The following CHGA variants were observed in gnomAD, a reference collection of about 807,000 sequenced individuals.
CHGA encodes chromogranin A, also known as chromogranin-A.
In CHGA, 41 loss-of-function variants were observed where a neutral mutation model predicts 54.4. The observed-to-expected ratio is 0.75, with a 90% CI of 0.59 to 0.98. The LOEUF is 0.98. CHGA is among the 50% of genes least tolerant of loss of function. The pLI, the probability that CHGA is intolerant of heterozygous loss-of-function variation, is 0.00. For synonymous variants in CHGA, 249 were observed against 232.8 expected, an observed-to-expected ratio of 1.07 and a Z score of -0.63; for missense variants, 576 against 582.3, an observed-to-expected ratio of 0.99 and a Z score of 0.11.
At chr14:92,924,307 T>C in intron 2 of CHGA, 62 bp downstream of exon 2, 1 of 1,526,260 alleles carries the variant, frequency 6.6e-7, no homozygotes, top group Non-Finnish European at 8.9e-7. Flanking sequence ...CAGCCAGTTC[T>C]TGGGCAGCTG....
chr14:92,929,634 G>T, intron 4 of CHGA, 83 bp from the exon 5 acceptor site: 1 of 1,215,470 alleles, frequency 8.2e-7, no homozygotes, highest in South Asian at 1.2e-5. Context: ...GCTTACAGAT[G>T]GGGAAATGGA....
rs1886838144 is a variant in CHGA at position 92,923,932 on chromosome 14, T to C, written c.47-267T>C. 3.3e-5 allele frequency among the ~76,000 whole-genome samples: 5 copies of C among 152,166 alleles called. No homozygotes were observed. In the South Asian group the frequency reaches 1.0e-3, roughly 32 times the overall value. ...CTGTGCAGCTCTTGGCCTTGTTTGA[T>C]GGCGCTCCCCGCTCCAAAGCACACC... On this transcript the variant is annotated intron_variant, in intron 1 of 7. Coordinates refer to ENST00000216492, the MANE Select transcript of CHGA (RefSeq NM_001275.4).
chr14:92,929,772 C>G lies in CHGA; in HGVS notation c.312C>G (p.Leu104=), dbSNP rs1333980245. ...AACACAGCGGTTTTGAAGATGAACT[C>G]TCAGAGGTTCTTGAGAACCAGAGCA... ...QKKHSGFEDE[L]SEVLENQSSQ... The change falls in exon 5 of 8, where the codon CTC becomes CTG. Residue 104 remains leucine, a synonymous_variant. Coordinates refer to ENST00000216492, the MANE Select transcript of CHGA (RefSeq NM_001275.4). 2.5e-6 allele frequency: 4 copies of G among 1,613,512 alleles called. No homozygotes were observed. Among genetic ancestry groups the G allele is most frequent in the Non-Finnish European group, 2.5e-6 (3 of 1,180,034 alleles).
At chr14:92,934,197 G>A (rs1405901155) in intron 7 of CHGA, among the ~76,000 whole-genome samples, 2 of 152,226 alleles carry the variant, frequency 1.3e-5, no homozygotes, top group African/African-American at 2.4e-5. Context: ...AGGCCTGAAA[G>A]CTTCTGCAGA....
rs759234958 is a variant in CHGA at position 92,932,697 on chromosome 14, G to A, written c.1136G>A (p.Arg379Gln). ...DSSMKLSFRA[R>Q]AYGFRGPGPQ... is the part of the protein sequence containing the mutation. The stretch of plus-strand genomic sequence containing the variant: ...TCCATGAAGCTCTCCTTCCGGGCCC[G>A]GGCCTACGGCTTCAGGGGCCCTGGG... The change falls in exon 7 of 8, where the codon CGG becomes CAG. Residue 379 changes from arginine (R) to glutamine (Q), a missense_variant. Coordinates refer to ENST00000216492, the MANE Select transcript of CHGA (RefSeq NM_001275.4). The surrounding 1 kb of genome is among the most constrained non-coding windows in gnomAD (Gnocchi z 5.3). The A allele has an allele frequency of 1.5e-5, 24 of 1,610,776 alleles. No individual in the cohort carries two copies. Among genetic ancestry groups the A allele is most frequent in the African/African-American group, 4.0e-5 (3 of 74,904 alleles).
chr14:92,933,094 G>A (rs971390995), intron 7 of CHGA: 2 of 496,656 alleles, frequency 4.0e-6, no homozygotes, highest in South Asian at 4.9e-5. Flanking sequence ...CGGGGGAGGC[G>A]CTGAGTGGGG....
intron 4 of CHGA, among the ~76,000 whole-genome samples, chr14:92,928,977 G>C (rs1033146315): frequency 2.0e-5 from 3 of 152,214 alleles, no homozygotes; most frequent in East Asian, 1.9e-4. Context: ...TGGAACCCAC[G>C]TTGCCTGAGA....
intron 1 of CHGA, 50 bp downstream of exon 1, chr14:92,923,455 C>A: frequency 8.1e-7 from 1 of 1,237,670 alleles, no homozygotes. Flanking sequence ...CGCCCCTGCC[C>A]ACCTTGAGGT....
chr14:92,934,662 G>A, intron 7 of CHGA, 139 bp from the exon 8 acceptor site: 2 of 655,902 alleles, frequency 3.0e-6, no homozygotes, highest in Non-Finnish European at 5.4e-6. Context: ...CATTATCACT[G>A]TCTCCATGAT....
intron 5 of CHGA, 92 bp from the exon 6 acceptor site, chr14:92,931,158 A>G: frequency 7.4e-7 from 1 of 1,351,344 alleles, no homozygotes; most frequent in South Asian, 1.4e-5. Flanking sequence ...GAAGCCAAGA[A>G]ACATAATGAG....
chr14:92,924,722 A>C (rs909566002), intron 2 of CHGA, among the ~76,000 whole-genome samples: 8 of 152,218 alleles, frequency 5.3e-5, no homozygotes, highest in Admixed American at 5.2e-4. Context: ...AAGGAACACA[A>C]GCAAAACATC....
chr14:92,930,423 A>C (rs2139672084), intron 5 of CHGA, among the ~76,000 whole-genome samples: 1 of 152,322 alleles, frequency 6.6e-6, no homozygotes, highest in East Asian at 1.9e-4. Context: ...GGTGTCCAGG[A>C]GCTGGATCCT....
At chr14:92,927,779 T>C (rs1886916583) in intron 4 of CHGA, among the ~76,000 whole-genome samples, 161 bp downstream of exon 4, 1 of 152,226 alleles carries the variant, frequency 6.6e-6, no homozygotes, top group African/African-American at 2.4e-5. Flanking sequence ...CAATCTGTTA[T>C]TGATATTGTT....
intron 2 of CHGA, among the ~76,000 whole-genome samples, chr14:92,925,034 T>C (rs980660262): frequency 2.6e-5 from 4 of 152,198 alleles, no homozygotes; most frequent in African/African-American, 4.8e-5. Flanking sequence ...CCAACCTCTG[T>C]TTGCTCAATT....
At chr14:92,928,562 T>G (rs1374522291) in intron 4 of CHGA, among the ~76,000 whole-genome samples, 1 of 152,224 alleles carries the variant, frequency 6.6e-6, no homozygotes, top group Non-Finnish European at 1.5e-5. Flanking sequence ...GACCTTGGAC[T>G]AGTGTTTTGT....
In CHGA at chr14:92,932,165, G is replaced by A; in HGVS notation, c.809-205G>A. The A allele has an allele frequency of 3.5e-6, 2 of 565,868 alleles. No individual in the cohort carries two copies. The highest frequency in any genetic ancestry group is 5.6e-6 in the Non-Finnish European group (2 of 358,934). The allele number at this position is 565,868 out of a possible 1,614,324, so 35.1% of individuals were successfully genotyped here. ...GCCGGGCTTCTGGGGTGAGGATGAG[G>A]GGAAGAGGCAGGCTCCAGCTAACCC... On this transcript the variant is annotated intron_variant, in intron 6 of 7. Transcript: ENST00000216492. The surrounding 1 kb of genome is among the most constrained non-coding windows in gnomAD (Gnocchi z 5.3).
intron 7 of CHGA, among the ~76,000 whole-genome samples, chr14:92,934,479 C>T (rs1415556222): frequency 1.3e-5 from 2 of 152,174 alleles, no homozygotes; most frequent in African/African-American, 4.8e-5. Flanking sequence ...CTCTTCAGGG[C>T]ACTGTAAGCT....
At chr14:92,927,338 A>G (rs1306908213) in intron 3 of CHGA, among the ~76,000 whole-genome samples, 1 of 152,218 alleles carries the variant, frequency 6.6e-6, no homozygotes, top group African/African-American at 2.4e-5. Flanking sequence ...CTGCTGGGGC[A>G]GTGGCTGACT....
chr14:92,931,745 G>C, intron 6 of CHGA, 43 bp downstream of exon 6: 2 of 1,519,892 alleles, frequency 1.3e-6, no homozygotes, highest in Non-Finnish European at 1.8e-6. Context: ...GTCTGGGAGA[G>C]GGGGATGGGT....
Sources: gnomAD v4.1 joint callset for allele counts (sites outside exome capture counted in the v4.1 genomes callset) on GRCh38, gnomAD v4.1.1 for gene constraint, Gnocchi (gnomAD v3.1) non-coding constraint, MANE v1.5 for transcripts, NCBI Gene and HGNC (gene_info 2026-07-23, HGNC 2026-07-21) for gene names.